PPP2R1A: variants seen among roughly 807,000 people sequenced by gnomAD.
PPP2R1A encodes the protein serine/threonine-protein phosphatase 2A 65 kDa regulatory subunit A alpha isoform.
PPP2R1A carries 15 observed loss-of-function variants against 67.1 expected under a neutral mutation model. The ratio of observed to expected loss-of-function variants is 0.22; its 90% CI spans 0.15 to 0.34. The LOEUF (loss-of-function observed/expected upper bound fraction) is 0.34, where lower values mean the gene tolerates loss of function less well. PPP2R1A is among the 10% of genes least tolerant of loss of function. The pLI is 1.00. For missense variants in PPP2R1A, 369 were observed against 775.0 expected (o/e 0.48, Z 6.22); for synonymous variants, 337 against 325.0 (o/e 1.04, Z -0.40).
chr19:52,210,738 C>G (rs944066009), intron 3 of PPP2R1A, among the ~76,000 whole-genome samples: 7 of 152,116 alleles, frequency 4.6e-5, no homozygotes, highest in Non-Finnish European at 7.4e-5. Flanking sequence ...GTGATCCACC[C>G]GCTTCAGCCT....
rs980992140 is a variant in PPP2R1A at position 52,205,904 on chromosome 19, G to A, written c.170-59G>A. ...GCAGAATGGAGTCCATGTGTTCTGAGCTTGGGCTGGGGTCAGAGTTGAGAT... is the reference window on the plus strand; with the variant it reads ...GCAGAATGGAGTCCATGTGTTCTGAACTTGGGCTGGGGTCAGAGTTGAGAT... On this transcript the variant is annotated intron_variant, in intron 2 of 14. Coordinates refer to ENST00000322088, the MANE Select transcript of PPP2R1A (RefSeq NM_014225.6). 35 of 1,416,270 alleles carry A rather than the reference G, an allele frequency of 2.5e-5. 1 individual carries two copies. In the Middle Eastern group the frequency reaches 3.7e-3, roughly 150 times the overall value. 87.7% of individuals were successfully genotyped at this position (1,416,270 alleles called of 1,614,324 possible). A position where few individuals can be genotyped will look rare whatever the true frequency, so the allele number is the denominator to read the frequency against.
At chr19:52,202,422 T>A (rs2089558786) in intron 2 of PPP2R1A, among the ~76,000 whole-genome samples, 1 of 152,252 alleles carries the variant, frequency 6.6e-6, no homozygotes, top group South Asian at 2.1e-4. Flanking sequence ...TATGATATGC[T>A]TACTGTATGC....
At chr19:52,199,267 C>T (rs1205105214) in intron 1 of PPP2R1A, among the ~76,000 whole-genome samples, 2 of 152,038 alleles carry the variant, frequency 1.3e-5, no homozygotes, top group Non-Finnish European at 2.9e-5. Context: ...CCCAGGTTCA[C>T]GCCATTCTCC....
At position 52,190,295 on chromosome 19, in the gene PPP2R1A, G is replaced by A. The variant is rs749065008; in HGVS notation, c.78+121G>A. Reference sequence around the variant, plus strand: ...CGGAAGGGGGCGACGGCCAATCAGCGTGCGTCTCTTATCTCCCCGGTTGCC... The same window carrying A: ...CGGAAGGGGGCGACGGCCAATCAGCATGCGTCTCTTATCTCCCCGGTTGCC... On this transcript the variant is annotated intron_variant, in intron 1 of 14. Coordinates refer to ENST00000322088, the MANE Select transcript of PPP2R1A (RefSeq NM_014225.6). 5.3e-5 allele frequency: 62 copies of A among 1,172,998 alleles called. No individual in the cohort carries two copies. Among genetic ancestry groups the A allele is most frequent in the Middle Eastern group, 4.7e-4 (2 of 4,230 alleles). 72.7% of individuals were successfully genotyped at this position (1,172,998 alleles called of 1,614,324 possible).
In PPP2R1A at chr19:52,201,890, A is replaced by G; in HGVS notation, c.79-54A>G. 2.6e-6 allele frequency: 4 copies of G among 1,532,888 alleles called. No homozygotes were observed. The South Asian group carries it at 4.5e-5, about 17-fold the overall frequency. The allele number at this position is 1,532,888 out of a possible 1,614,324, so 95.0% of individuals were successfully genotyped here. Reference sequence around the variant, plus strand: ...ACTGGGTTGAGAGCTGTCAGAACTCACGCGTGTCTGGGATTTCTAACATTC... The same window carrying G: ...ACTGGGTTGAGAGCTGTCAGAACTCGCGCGTGTCTGGGATTTCTAACATTC... On this transcript the variant is annotated intron_variant, in intron 1 of 14. Transcript: ENST00000322088.
chr19:52,205,393 T>C (rs1018369326), intron 2 of PPP2R1A, among the ~76,000 whole-genome samples: 5 of 152,248 alleles, frequency 3.3e-5, no homozygotes, highest in South Asian at 2.1e-4. Flanking sequence ...GAGGAGCCAG[T>C]CCTGGGCTCG....
At chr19:52,223,006 G>C (rs1229721419) in intron 13 of PPP2R1A, among the ~76,000 whole-genome samples, 1 of 152,166 alleles carries the variant, frequency 6.6e-6, no homozygotes, top group Non-Finnish European at 1.5e-5. Flanking sequence ...AATGAACAAA[G>C]TTGTCTGATT....
At chr19:52,221,295 G>GGGT (rs1385628632) in intron 12 of PPP2R1A, among the ~76,000 whole-genome samples, 162 bp downstream of exon 12, 1 of 152,194 alleles carries the variant, frequency 6.6e-6, no homozygotes, top group African/African-American at 2.4e-5. Context: ...GCAGGCAAGG[G>GGGT]GGTGGGGCTC....
intron 2 of PPP2R1A, among the ~76,000 whole-genome samples, chr19:52,205,371 C>T (rs1035859230): frequency 2.0e-5 from 3 of 152,100 alleles, no homozygotes; most frequent in Admixed American, 1.3e-4. Context: ...CTGGCAGGAA[C>T]TGGGGCACAG....
At chr19:52,196,460 C>G (rs1315791935) in intron 1 of PPP2R1A, among the ~76,000 whole-genome samples, 1 of 152,138 alleles carries the variant, frequency 6.6e-6, no homozygotes, top group African/African-American at 2.4e-5. Flanking sequence ...AGTGGAACTG[C>G]ACTTTTTAGT....
chr19:52,201,753 A>G, intron 1 of PPP2R1A, 191 bp from the exon 2 acceptor site: 1 of 573,022 alleles, frequency 1.7e-6, no homozygotes, highest in Non-Finnish European at 3.1e-6. Context: ...TGCTGCCACT[A>G]CTATTGTTGT....
chr19:52,217,738 C>T (rs1978668324), intron 9 of PPP2R1A, among the ~76,000 whole-genome samples: 1 of 152,022 alleles, frequency 6.6e-6, no homozygotes, highest in Non-Finnish European at 1.5e-5. Flanking sequence ...GTGCTTGCAC[C>T]CCATACACCC....
rs932036613 is a variant in PPP2R1A, at chr19:52,227,776, G to A, written c.*1795G>A. 1 of 152,180 alleles carries A rather than the reference G, an allele frequency of 6.6e-6. No individual in the cohort carries two copies. The highest frequency in any genetic ancestry group is 1.5e-5 in the Non-Finnish European group (1 of 68,038). 9.4% of individuals were successfully genotyped at this position (152,180 alleles called of 1,614,324 possible). Reference sequence around the variant, plus strand: ...CTGGGCGATAAACTCTCTCCCAGTTGAGAACTACTGCTCTAGAAATGTGAA... The same window carrying A: ...CTGGGCGATAAACTCTCTCCCAGTTAAGAACTACTGCTCTAGAAATGTGAA... On this transcript the variant is annotated 3_prime_UTR_variant, in exon 15 of 15. Transcript: ENST00000322088.
chr19:52,220,038 T>A, intron 10 of PPP2R1A, 151 bp from the exon 11 acceptor site: 1 of 1,187,674 alleles, frequency 8.4e-7, no homozygotes, highest in Non-Finnish European at 1.2e-6. Context: ...TTGGATTCAA[T>A]AAGAGAGAGG....
rs184196116 is a variant in PPP2R1A, at chr19:52,192,826, G to T, written c.78+2652G>T. 9.4e-4 allele frequency among the ~76,000 whole-genome samples: 143 copies of T among 152,264 alleles called. 2 individuals carry two copies. The highest frequency in any genetic ancestry group is 3.3e-3 in the African/African-American group (139 of 41,534). On this transcript the variant is annotated intron_variant, in intron 1 of 14. Transcript: ENST00000322088. ...CAGGGTGAGGTGTGGGGGAAGTTGT[G>T]TGGAGCTTCCATGCCCTCCCTAGGC...
At position 52,213,188 on chromosome 19, in the gene PPP2R1A, G is replaced by C. The variant is rs576130734; in HGVS notation, c.807+78G>C. 8 of 1,460,712 alleles carry C rather than the reference G, an allele frequency of 5.5e-6. No individual in the cohort carries two copies. The African/African-American group carries it at 1.1e-4, about 21-fold the overall frequency. The allele number at this position is 1,460,712 out of a possible 1,614,324, so 90.5% of individuals were successfully genotyped here. A position where few individuals can be genotyped will look rare whatever the true frequency, so the allele number is the denominator to read the frequency against. Reference sequence around the variant, plus strand: ...AGAAGGGAAGCATATAGGAGCTGAGGTTTCCATTAGGCCGATGGAACCATT... The same window carrying C: ...AGAAGGGAAGCATATAGGAGCTGAGCTTTCCATTAGGCCGATGGAACCATT... On this transcript the variant is annotated intron_variant, in intron 6 of 14. Transcript: ENST00000322088. The surrounding 1 kb of genome is among the most constrained non-coding windows in gnomAD (Gnocchi z 4.2).
rs398035011 is a variant in PPP2R1A at position 52,213,457 on chromosome 19, GTTTTTTT to G, written c.807+371_807+377del. On this transcript the variant is annotated intron_variant, in intron 6 of 14. Coordinates refer to ENST00000322088, the MANE Select transcript of PPP2R1A (RefSeq NM_014225.6). The surrounding 1 kb of genome is among the most constrained non-coding windows in gnomAD (Gnocchi z 4.2). ...GCCCAAAAAGGTGGGGTTTTTTGGT[GTTTTTTT>G]TTTTTTTTTTTTTTTTTTTTTTTAA... Among the ~76,000 whole-genome samples, 19 of 71,762 alleles carry G rather than the reference GTTTTTTT, an allele frequency of 2.6e-4. 1 individual carries two copies. The highest frequency in any genetic ancestry group is 8.7e-4 in the African/African-American group (16 of 18,378). The allele number at this position is 71,762 out of a possible 152,430, so 47.1% of individuals were successfully genotyped here. A position where few individuals can be genotyped will look rare whatever the true frequency, so the allele number is the denominator to read the frequency against.
chr19:52,191,324 T>A (rs1390895646), intron 1 of PPP2R1A: 1 of 152,290 alleles, frequency 6.6e-6, no homozygotes, highest in Non-Finnish European at 1.5e-5. Context: ...AAATATGGGC[T>A]AATTGTAGTC....
intron 11 of PPP2R1A, among the ~76,000 whole-genome samples, chr19:52,220,612 G>A (rs62109247): frequency 0.069 from 10,454 of 152,148 alleles, 408 homozygotes; most frequent in Middle Eastern, 0.12. Context: ...GGGCCATTAT[G>A]AGAATGGCTC....
Sources: gnomAD v4.1 joint callset for allele counts (sites outside exome capture counted in the v4.1 genomes callset) on GRCh38, gnomAD v4.1.1 for gene constraint, Gnocchi (gnomAD v3.1) non-coding constraint, MANE v1.5 for transcripts, NCBI Gene and HGNC (gene_info 2026-07-23, HGNC 2026-07-21) for gene names.